ZNRF3: variants seen among roughly 807,000 people sequenced by gnomAD.
ZNRF3 encodes zinc and ring finger 3, also known as E3 ubiquitin-protein ligase ZNRF3.
Under a neutral mutation model 72.5 loss-of-function variants are expected in ZNRF3, and 23 were observed. The ratio of observed to expected loss-of-function variants is 0.32; its 90% CI spans 0.23 to 0.45. The LOEUF (loss-of-function observed/expected upper bound fraction) is 0.45, where lower values mean the gene tolerates loss of function less well. Ranked by LOEUF, ZNRF3 falls within the 20% of genes least tolerant of loss-of-function variation. The probability of loss-of-function intolerance (pLI) is 1.00; values close to 1 mark genes in which losing one functional copy is unlikely to be tolerated. For missense variants in ZNRF3, 1,169 were observed against 1,272.1 expected (o/e 0.92, Z 1.23); for synonymous variants, 610 against 545.3 (o/e 1.12, Z -1.65).
chr22:28,929,690 G>A (rs2034671057), intron 1 of ZNRF3, among the ~76,000 whole-genome samples: 1 of 152,226 alleles, frequency 6.6e-6, no homozygotes, highest in African/African-American at 2.4e-5. Context: ...TCAGTTGGCA[G>A]ATGACAACTG....
At chr22:28,986,050 C>A (rs2035849672) in intron 1 of ZNRF3, among the ~76,000 whole-genome samples, 1 of 152,182 alleles carries the variant, frequency 6.6e-6, no homozygotes, top group Admixed American at 6.5e-5. Flanking sequence ...TCCCTGCTTC[C>A]CTTATAAGGA....
chr22:29,045,616 G>T (rs889690587), intron 5 of ZNRF3, among the ~76,000 whole-genome samples: 15 of 152,100 alleles, frequency 9.9e-5, no homozygotes, highest in African/African-American at 3.4e-4. Flanking sequence ...AGCCTCCCAA[G>T]TAGCTGGAAT....
chr22:29,052,255 C>T (rs766749183), intron 8 of ZNRF3, among the ~76,000 whole-genome samples: 2 of 152,316 alleles, frequency 1.3e-5, no homozygotes, highest in Admixed American at 6.5e-5. Context: ...TTCCTCTCTT[C>T]GGGACAGAGG....
Position 28,901,681 on chromosome 22 carries a change from C to T in ZNRF3, c.300+17615C>T, listed in dbSNP as rs370608739. The stretch of plus-strand genomic sequence containing the variant: ...TGAGACAGAGTCTTGCTCTCTCACT[C>T]AGACTAGAGTGTGTAGTGGCACGAT... On this transcript the variant is annotated intron_variant, in intron 1 of 8. Transcript: ENST00000544604. Among the ~76,000 whole-genome samples the T allele has an allele frequency of 7.3e-5, 10 of 136,682 alleles. No individual in the cohort carries two copies. The East Asian group carries it at 2.1e-3, about 29-fold the overall frequency. The allele number at this position is 136,682 out of a possible 152,430, so 89.7% of individuals were successfully genotyped here. A position where few individuals can be genotyped will look rare whatever the true frequency, so the allele number is the denominator to read the frequency against.
chr22:28,894,908 T>G (rs1303000741), intron 1 of ZNRF3, among the ~76,000 whole-genome samples: 1 of 151,994 alleles, frequency 6.6e-6, no homozygotes, highest in Non-Finnish European at 1.5e-5. Context: ...GGGTCCACAG[T>G]CCCATGAGGC....
intron 2 of ZNRF3, among the ~76,000 whole-genome samples, chr22:28,997,658 T>C (rs553139768): frequency 5.9e-5 from 9 of 152,188 alleles, no homozygotes; most frequent in African/African-American, 2.2e-4. Flanking sequence ...TTGGGCTGTT[T>C]AACCTCTCTG....
chr22:29,025,621 T>C (rs1346492142), intron 2 of ZNRF3: 3 of 151,664 alleles, frequency 2.0e-5, no homozygotes, highest in Non-Finnish European at 4.4e-5. Flanking sequence ...TACAAGCGCA[T>C]GATCTAGGCT....
intron 1 of ZNRF3, among the ~76,000 whole-genome samples, chr22:28,927,183 G>A (rs1007625432): frequency 1.3e-5 from 2 of 152,132 alleles, no homozygotes; most frequent in Non-Finnish European, 2.9e-5. Flanking sequence ...GCTGAGTAGG[G>A]GCATTCCATT....
intron 2 of ZNRF3, among the ~76,000 whole-genome samples, chr22:29,004,554 A>G (rs2123846536): frequency 6.6e-6 from 1 of 152,320 alleles, no homozygotes; most frequent in South Asian, 2.1e-4. Context: ...TGGTTTAAGA[A>G]CAGACATCTT....
intron 2 of ZNRF3, among the ~76,000 whole-genome samples, chr22:29,035,551 C>T (rs1283836169): frequency 6.6e-6 from 1 of 152,058 alleles, no homozygotes. Context: ...CAGTGTATGT[C>T]CAATATGTCC....
chr22:29,051,096 A>AGCCTG, intron 8 of ZNRF3, 148 bp downstream of exon 8: 1 of 913,296 alleles, frequency 1.1e-6, no homozygotes, highest in East Asian at 2.8e-5. Flanking sequence ...GTTACTCCTC[A>AGCCTG]GCCTGGCCCT....
intron 1 of ZNRF3, among the ~76,000 whole-genome samples, chr22:28,891,031 A>G (rs528461072): frequency 9.8e-4 from 149 of 152,344 alleles, no homozygotes; most frequent in African/African-American, 3.6e-3. Flanking sequence ...CTCTGGGATT[A>G]CAGGTGAGAG....
In ZNRF3 at chr22:29,050,401, C is replaced by A; in HGVS notation, c.2220C>A (p.Tyr740Ter). The stretch of plus-strand genomic sequence containing the variant: ...CCTTGTTCCTGGGGCCCCACCTCTA[C>A]GAGGGCTCTGGCCCGGCGGGTGGGG... ...SSTLFLGPHL[Y>*]EGSGPAGGEP... Residue 740 changes from tyrosine (Y) to a stop codon, truncating the protein, a stop_gained, in exon 8 of 9, where the codon TAC becomes TAA. Transcript: ENST00000544604. LOFTEE classifies it high-confidence loss of function. The A allele has an allele frequency of 1.2e-6, 2 of 1,605,918 alleles. No individual in the cohort carries two copies. The highest frequency in any genetic ancestry group is 1.7e-6 in the Non-Finnish European group (2 of 1,175,276).
chr22:28,985,083 T>A (rs553808833), intron 1 of ZNRF3, among the ~76,000 whole-genome samples: 1 of 152,330 alleles, frequency 6.6e-6, no homozygotes, highest in Admixed American at 6.5e-5. Context: ...TTCATTGAAT[T>A]GTCAAGGAAC....
chr22:29,042,797 T>C (rs28541979), intron 3 of ZNRF3, among the ~76,000 whole-genome samples: 74,603 of 151,514 alleles, frequency 0.49, 18,660 homozygotes, highest in East Asian at 0.54. Context: ...TCCCCCGAGA[T>C]GGAGTCTTGC....
intron 6 of ZNRF3, among the ~76,000 whole-genome samples, chr22:29,047,357 CT>C (rs2037094406): frequency 6.6e-6 from 1 of 152,228 alleles, no homozygotes; most frequent in South Asian, 2.1e-4. Context: ...CATTTGCTCA[CT>C]CTCCCTCTCT....
chr22:29,047,123 G>T (rs1207654467), intron 6 of ZNRF3, among the ~76,000 whole-genome samples: 1 of 152,110 alleles, frequency 6.6e-6, no homozygotes, highest in Admixed American at 6.6e-5. Context: ...TTTAGGCCTA[G>T]TACCATGCCT....
intron 1 of ZNRF3, among the ~76,000 whole-genome samples, chr22:28,889,130 C>T (rs1216408990): frequency 1.3e-5 from 2 of 151,988 alleles, no homozygotes; most frequent in African/African-American, 2.4e-5. Flanking sequence ...AAAAAGAAAC[C>T]CAGGTCTGCC....
chr22:28,941,778 G>A (rs2034951678), intron 1 of ZNRF3, among the ~76,000 whole-genome samples: 2 of 152,130 alleles, frequency 1.3e-5, no homozygotes, highest in South Asian at 2.1e-4. Context: ...GGGCGTGGTG[G>A]CGCATGCCTG....
Sources: allele counts gnomAD v4.1 joint callset (sites outside exome capture counted in the v4.1 genomes callset), GRCh38; gene constraint gnomAD v4.1.1; transcripts MANE v1.5; gene names NCBI Gene and HGNC (gene_info 2026-07-23, HGNC 2026-07-21).